Variants in ITPR2 observed in about 807,000 individuals in gnomAD.
ITPR2 encodes the protein inositol 1,4,5-trisphosphate receptor type 2, also known as inositol 1,4,5-trisphosphate-gated calcium channel ITPR2.
Under a neutral mutation model 317.1 loss-of-function variants are expected in ITPR2, and 207 were observed. The ratio of observed to expected loss-of-function variants is 0.65; its 90% confidence interval spans 0.58 to 0.73. The LOEUF (loss-of-function observed/expected upper bound fraction) is 0.73. Among genes scored for constraint, ITPR2 ranks in the 30% least tolerant of loss-of-function variants. ITPR2 has a pLI of 0.00. For missense variants in ITPR2, 2,613 were observed against 3,284.0 expected (o/e 0.80, Z 4.99); for synonymous variants, 1,156 against 1,149.1 (o/e 1.01, Z -0.12).
intron 32 of ITPR2, among the ~76,000 whole-genome samples, chr12:26,589,434 A>G (rs1945627236): frequency 6.6e-6 from 1 of 152,088 alleles, no homozygotes; most frequent in African/African-American, 2.4e-5. Flanking sequence ...GAGAAGAATG[A>G]TGGAAGGTGG....
intron 46 of ITPR2, among the ~76,000 whole-genome samples, chr12:26,440,260 AG>A (rs1479821242): frequency 6.6e-6 from 1 of 152,108 alleles, no homozygotes; most frequent in Admixed American, 6.6e-5. Flanking sequence ...CGAAAACAAA[AG>A]TTTTTTGTTG....
chr12:26,710,973 C>T (rs1948633661), intron 9 of ITPR2, among the ~76,000 whole-genome samples, 200 bp downstream of exon 9: 1 of 152,136 alleles, frequency 6.6e-6, no homozygotes. Flanking sequence ...TTGTTATTAT[C>T]GTTGTTGTCT....
chr12:26,803,674 A>G (rs1249173504), intron 1 of ITPR2, among the ~76,000 whole-genome samples: 1 of 152,200 alleles, frequency 6.6e-6, no homozygotes, highest in Non-Finnish European at 1.5e-5. Context: ...AAATCTTCAC[A>G]CTACAATGCA....
rs1943503625 is a variant in ITPR2, at chr12:26,516,280, GGGAAGGGAAAGGAAAGGAAAGGAAA to G, written c.5074-21045_5074-21021del. ...AGGAAAGGAAAGGAAAGGAAGGGAA[GGGAAGGGAAAGGAAAGGAAAGGAAA>G]GGAAAGGAAAGGAAAGGAAAGGAAA... On this transcript the variant is annotated intron_variant, in intron 37 of 56. Transcript: ENST00000381340. 6.0e-4 allele frequency among the ~76,000 whole-genome samples: 27 copies of G among 45,188 alleles called. 1 individual carries two copies. Among genetic ancestry groups the G allele is most frequent in the South Asian group, 9.4e-4 (1 of 1,062 alleles). The allele number at this position is 45,188 out of a possible 152,430, so 29.6% of individuals were successfully genotyped here.
At chr12:26,411,483 T>A in intron 51 of ITPR2, 71 bp from the exon 52 acceptor site, 1 of 1,007,858 alleles carries the variant, frequency 9.9e-7, no homozygotes, top group Non-Finnish European at 1.5e-6. Flanking sequence ...CCTACAGTTC[T>A]AAAGATATGT....
chr12:26,639,661 C>T (rs1751234725), intron 21 of ITPR2, among the ~76,000 whole-genome samples: 1 of 143,454 alleles, frequency 7.0e-6, no homozygotes, highest in East Asian at 2.1e-4. Flanking sequence ...TGATGTTCCC[C>T]TTCCTGTGTC....
At chr12:26,340,864 G>A (rs1938088940) in intron 55 of ITPR2, among the ~76,000 whole-genome samples, 1 of 152,168 alleles carries the variant, frequency 6.6e-6, no homozygotes, top group South Asian at 2.1e-4. Context: ...GGAGGGCATG[G>A]CCTGAGGTTA....
chr12:26,481,533 C>T (rs1387626264), intron 42 of ITPR2, among the ~76,000 whole-genome samples: 1 of 152,112 alleles, frequency 6.6e-6, no homozygotes, highest in Admixed American at 6.5e-5. Context: ...GTTAAATATC[C>T]TTCCATTCAA....
At chr12:26,409,363 G>A (rs1041242327) in intron 52 of ITPR2, among the ~76,000 whole-genome samples, 3 of 152,284 alleles carry the variant, frequency 2.0e-5, no homozygotes, top group Middle Eastern at 3.4e-3. Flanking sequence ...GAGCAACATG[G>A]GCGGAATGAT....
At chr12:26,573,586 T>C (rs550550872) in intron 34 of ITPR2, among the ~76,000 whole-genome samples, 19 of 151,858 alleles carry the variant, frequency 1.3e-4, no homozygotes, top group Admixed American at 1.2e-3. Flanking sequence ...AGACACTGCA[T>C]GGGGGGTGTT....
chr12:26,554,251 G>T (rs1944604239), intron 36 of ITPR2, among the ~76,000 whole-genome samples: 1 of 152,218 alleles, frequency 6.6e-6, no homozygotes, highest in South Asian at 2.1e-4. Context: ...AAATTTGGTA[G>T]CCATTAGCCA....
At chr12:26,523,226 G>A (rs181919503) in intron 37 of ITPR2, among the ~76,000 whole-genome samples, 170 of 152,002 alleles carry the variant, frequency 1.1e-3, no homozygotes, top group South Asian at 4.8e-3. Context: ...ATCTCTTTTC[G>A]TAAAAAGATA....
chr12:26,349,587 T>C (rs1305038072), intron 55 of ITPR2, among the ~76,000 whole-genome samples: 1 of 152,274 alleles, frequency 6.6e-6, no homozygotes, highest in African/African-American at 2.4e-5. Context: ...ATTATAAATT[T>C]GTGAATTTTT....
At chr12:26,450,223 T>C (rs1050603107) in intron 45 of ITPR2, among the ~76,000 whole-genome samples, 8 of 152,138 alleles carry the variant, frequency 5.3e-5, no homozygotes, top group African/African-American at 1.9e-4. Context: ...GGACAAGAAA[T>C]GTCTGTCATT....
chr12:26,746,691 G>A (rs1350275410), intron 2 of ITPR2, among the ~76,000 whole-genome samples: 11 of 152,284 alleles, frequency 7.2e-5, no homozygotes, highest in Middle Eastern at 3.4e-3. Flanking sequence ...TCACCAATCA[G>A]ATCTGCATGA....
At chr12:26,451,551 T>C (rs1274210408) in intron 45 of ITPR2, among the ~76,000 whole-genome samples, 1 of 152,162 alleles carries the variant, frequency 6.6e-6, no homozygotes. Context: ...ATTATCTTTT[T>C]AAAAATCCAC....
At chr12:26,610,506 CAAAGAAAAGG>C (rs1946237758) in intron 26 of ITPR2, among the ~76,000 whole-genome samples, 2 of 150,134 alleles carry the variant, frequency 1.3e-5, no homozygotes, top group African/African-American at 4.9e-5. Flanking sequence ...GAAAAATCAG[CAAAGAAAAGG>C]AAAGAGAAGG....
intron 1 of ITPR2, 22 bp from the exon 2 acceptor site, chr12:26,790,249 C>T: frequency 1.3e-6 from 2 of 1,565,804 alleles, no homozygotes; most frequent in Non-Finnish European, 1.8e-6. Flanking sequence ...AGCATGTTTA[C>T]ATTGTTAACA....
At chr12:26,599,941 T>C (rs546480112) in intron 29 of ITPR2, 46 bp downstream of exon 29, 2 of 1,459,052 alleles carry the variant, frequency 1.4e-6, no homozygotes, top group East Asian at 4.6e-5. Flanking sequence ...GAGACAAATT[T>C]GATGCACACT....
Sources: gnomAD v4.1 joint callset for allele counts (sites outside exome capture counted in the v4.1 genomes callset) on GRCh38, gnomAD v4.1.1 for gene constraint, MANE v1.5 for transcripts, NCBI Gene and HGNC (gene_info 2026-07-23, HGNC 2026-07-21) for gene names.